The following ERC2 variants were observed in gnomAD, a reference collection of about 807,000 sequenced individuals.
ERC2 encodes the protein ELKS/RAB6-interacting/CAST family member 2.
In ERC2, 42 loss-of-function variants were observed where a neutral mutation model predicts 114.8. That is an observed-to-expected ratio of 0.37 (90% CI 0.29 to 0.47). The LOEUF is 0.47. Ranked by LOEUF, ERC2 falls within the 20% of genes least tolerant of loss-of-function variation. ERC2 has a pLI of 0.99. For synonymous variants in ERC2, 454 were observed against 425.5 expected (o/e 1.07, Z -0.82); for missense variants, 939 against 1,150.7 (o/e 0.82, Z 2.66).
At chr3:56,040,286 A>C (rs566018663) in intron 7 of ERC2, among the ~76,000 whole-genome samples, 1 of 152,190 alleles carries the variant, frequency 6.6e-6, no homozygotes, top group South Asian at 2.1e-4. Context: ...TATTTAGTTT[A>C]TATGCAGTTT....
intron 2 of ERC2, among the ~76,000 whole-genome samples, chr3:56,315,493 G>T (rs2056821769): frequency 6.6e-6 from 1 of 152,086 alleles, no homozygotes; most frequent in Non-Finnish European, 1.5e-5. Flanking sequence ...TTATTTTATT[G>T]TATCTGGATA....
At chr3:55,592,773 C>T (rs1331308194) in intron 17 of ERC2, among the ~76,000 whole-genome samples, 1 of 152,166 alleles carries the variant, frequency 6.6e-6, no homozygotes, top group Admixed American at 6.5e-5. Flanking sequence ...CACAGCAGCT[C>T]TAGGTAGTTA....
At chr3:56,089,466 T>C (rs1052205967) in intron 6 of ERC2, among the ~76,000 whole-genome samples, 62 of 152,270 alleles carry the variant, frequency 4.1e-4, no homozygotes, top group Admixed American at 4.6e-4. Flanking sequence ...AAAAGAAACA[T>C]TGAAATTAAT....
At chr3:56,332,436 C>T (rs1472001035) in intron 2 of ERC2, among the ~76,000 whole-genome samples, 1 of 152,132 alleles carries the variant, frequency 6.6e-6, no homozygotes, top group East Asian at 1.9e-4. Flanking sequence ...CTAGATTTAC[C>T]AATAAGGAAA....
At chr3:55,597,722 G>C (rs1306764849) in intron 17 of ERC2, among the ~76,000 whole-genome samples, 4 of 152,124 alleles carry the variant, frequency 2.6e-5, no homozygotes, top group Admixed American at 2.6e-4. Flanking sequence ...CTAGCTCCTG[G>C]AATGGAGCCT....
At chr3:56,136,157 C>T (rs1428585537) in intron 6 of ERC2, among the ~76,000 whole-genome samples, 2 of 152,152 alleles carry the variant, frequency 1.3e-5, no homozygotes, top group African/African-American at 2.4e-5. Flanking sequence ...ACACCTCACC[C>T]CACCCTTCAT....
chr3:56,007,844 A>C (rs1199591477), intron 9 of ERC2, among the ~76,000 whole-genome samples: 2 of 152,070 alleles, frequency 1.3e-5, no homozygotes, highest in African/African-American at 4.8e-5. Context: ...ATTAACATAA[A>C]ATTATTTTAA....
intron 17 of ERC2, among the ~76,000 whole-genome samples, chr3:55,546,143 A>G (rs145751905): frequency 6.6e-6 from 1 of 152,274 alleles, no homozygotes; most frequent in Non-Finnish European, 1.5e-5. Context: ...GGTTAATACA[A>G]TGAAAAGAAG....
At chr3:55,745,848 A>G (rs1445746968) in intron 14 of ERC2, among the ~76,000 whole-genome samples, 1 of 152,182 alleles carries the variant, frequency 6.6e-6, no homozygotes, top group African/African-American at 2.4e-5. Flanking sequence ...CCCCCATAGC[A>G]TCCAATCAAT....
chr3:55,598,276 A>G (rs1235547712), intron 17 of ERC2, among the ~76,000 whole-genome samples: 1 of 152,262 alleles, frequency 6.6e-6, no homozygotes, highest in Non-Finnish European at 1.5e-5. Flanking sequence ...TAAAGAAACA[A>G]AGAAAATAAT....
chr3:56,110,094 C>T (rs2078880245), intron 6 of ERC2, among the ~76,000 whole-genome samples: 1 of 152,094 alleles, frequency 6.6e-6, no homozygotes, highest in Non-Finnish European at 1.5e-5. Flanking sequence ...GTAAACAAAG[C>T]ATGGAAATAT....
intron 9 of ERC2, 22 bp from the exon 10 acceptor site, chr3:56,007,343 T>C (rs146206948): frequency 0.022 from 34,467 of 1,580,936 alleles, 490 homozygotes; most frequent in Non-Finnish European, 0.025. Flanking sequence ...AGAATGTGAG[T>C]GAGTAAAACA....
At chr3:56,154,187 T>C (rs1380913047) in intron 4 of ERC2, among the ~76,000 whole-genome samples, 1 of 152,170 alleles carries the variant, frequency 6.6e-6, no homozygotes, top group Non-Finnish European at 1.5e-5. Context: ...CGTGGTTATA[T>C]GAGCCCAAGT....
intron 14 of ERC2, among the ~76,000 whole-genome samples, chr3:55,755,309 G>T (rs183855857): frequency 6.6e-6 from 1 of 152,082 alleles, no homozygotes; most frequent in Admixed American, 6.5e-5. Flanking sequence ...GAGAGGCACA[G>T]GTTGAGTAAC....
At chr3:55,979,105 C>T (rs143115994) in intron 12 of ERC2, among the ~76,000 whole-genome samples, 27 of 152,292 alleles carry the variant, frequency 1.8e-4, no homozygotes, top group East Asian at 1.9e-4. Context: ...ATTCTCTCCA[C>T]GGTAATTATC....
intron 6 of ERC2, among the ~76,000 whole-genome samples, chr3:56,128,538 T>A (rs2080022042): frequency 6.6e-6 from 1 of 152,158 alleles, no homozygotes; most frequent in South Asian, 2.1e-4. Flanking sequence ...TGGTTTAAGT[T>A]TTTCCAAATT....
intron 12 of ERC2, among the ~76,000 whole-genome samples, chr3:55,978,298 A>G (rs2069760092): frequency 6.6e-6 from 1 of 152,230 alleles, no homozygotes; most frequent in South Asian, 2.1e-4. Context: ...GAATTAGTTT[A>G]CATATTTATA....
intron 13 of ERC2, among the ~76,000 whole-genome samples, chr3:55,931,484 C>T (rs2066084440): frequency 6.6e-6 from 1 of 152,140 alleles, no homozygotes; most frequent in Non-Finnish European, 1.5e-5. Context: ...CGATCATTCT[C>T]AGCAAACTAA....
At chr3:56,399,144 T>C (rs2060427058) in intron 2 of ERC2, among the ~76,000 whole-genome samples, 1 of 152,256 alleles carries the variant, frequency 6.6e-6, no homozygotes, top group African/African-American at 2.4e-5. Context: ...TCATGCCATA[T>C]GCTTAATGAA....
Sources: allele counts gnomAD v4.1 joint callset (sites outside exome capture counted in the v4.1 genomes callset), GRCh38; gene constraint gnomAD v4.1.1; transcripts MANE v1.5; gene names NCBI Gene and HGNC (gene_info 2026-07-23, HGNC 2026-07-21).